PACS1: variants seen among roughly 807,000 people sequenced by gnomAD.
PACS1 encodes PACS-1.
A neutral mutation model predicts 115.0 loss-of-function variants in PACS1; 24 were observed. The ratio of observed to expected loss-of-function variants is 0.21; its 90% CI spans 0.15 to 0.29. The LOEUF (loss-of-function observed/expected upper bound fraction) is 0.29. PACS1 is among the 10% of genes least tolerant of loss of function. The pLI is 1.00. For missense variants in PACS1, 838 were observed against 1,251.2 expected (o/e 0.67, Z 4.98); for synonymous variants, 453 against 504.5 (o/e 0.90, Z 1.37).
At chr11:66,137,976 C>T (rs1260464158) in intron 1 of PACS1, among the ~76,000 whole-genome samples, 1 of 152,146 alleles carries the variant, frequency 6.6e-6, no homozygotes, top group African/African-American at 2.4e-5. Flanking sequence ...AGGTGATCCA[C>T]CTGCCTTGGG....
intron 2 of PACS1, among the ~76,000 whole-genome samples, chr11:66,204,516 G>A (rs1231459274): frequency 6.6e-6 from 1 of 152,072 alleles, no homozygotes; most frequent in African/African-American, 2.4e-5. Flanking sequence ...GTCCCATGTA[G>A]CACTATTCAC....
Position 66,188,480 on chromosome 11 carries a change from T to G in PACS1, c.357-5006T>G, listed in dbSNP as rs140094075. 4.3e-3 allele frequency among the ~76,000 whole-genome samples: 652 copies of G among 152,244 alleles called. 9 individuals carry two copies. The highest frequency in any genetic ancestry group is 0.015 in the African/African-American group (615 of 41,536). On this transcript the variant is annotated intron_variant, in intron 1 of 23. Transcript: ENST00000320580. ...ATTTTCCACTGTCCCCAGCCATGAG[T>G]GTAAGTTCTGGTTACCCTACATCTT...
rs188588731 is a variant in PACS1 at position 66,148,202 on chromosome 11, T to C, written c.357-45284T>C. On this transcript the variant is annotated intron_variant, in intron 1 of 23. Transcript: ENST00000320580. Reference sequence around the variant, plus strand: ...CAGAGTCTCACTCTATTGCCCAGGCTAGAGTGCAGTGGTGTGATCACAGCT... The same window carrying C: ...CAGAGTCTCACTCTATTGCCCAGGCCAGAGTGCAGTGGTGTGATCACAGCT... 3.9e-5 allele frequency among the ~76,000 whole-genome samples: 6 copies of C among 152,308 alleles called. No homozygotes were observed. In the East Asian group the frequency reaches 1.2e-3, roughly 29 times the overall value.
At chr11:66,206,576 C>T (rs543515403) in intron 2 of PACS1, among the ~76,000 whole-genome samples, 54 of 152,312 alleles carry the variant, frequency 3.5e-4, no homozygotes, top group African/African-American at 1.2e-3. Flanking sequence ...CAAAGTTTTA[C>T]AGGTATTTAG....
intron 1 of PACS1, among the ~76,000 whole-genome samples, chr11:66,170,266 A>G (rs1320552758): frequency 1.3e-5 from 2 of 150,322 alleles, no homozygotes; most frequent in Non-Finnish European, 2.9e-5. Flanking sequence ...GCTTTCTTTT[A>G]GATTTTTAGG....
At chr11:66,220,438 G>A (rs1855316131) in intron 8 of PACS1, 193 bp from the exon 9 acceptor site, 3 of 586,982 alleles carry the variant, frequency 5.1e-6, no homozygotes, top group Non-Finnish European at 3.0e-6. Context: ...GAACTGGGGG[G>A]AAGGTGGCCT....
At chr11:66,115,208 CAAAAA>C (rs71455703) in intron 1 of PACS1, among the ~76,000 whole-genome samples, 1 of 80,374 alleles carries the variant, frequency 1.2e-5, no homozygotes, top group Non-Finnish European at 2.6e-5. Flanking sequence ...GACCCTATCT[CAAAAA>C]AAAAAAAAAA....
intron 2 of PACS1, among the ~76,000 whole-genome samples, chr11:66,205,811 C>A (rs1854922130): frequency 6.6e-6 from 1 of 151,902 alleles, no homozygotes; most frequent in Non-Finnish European, 1.5e-5. Flanking sequence ...TGTTAAATAT[C>A]TATATGATAA....
At chr11:66,156,204 TTATATATATATATATATATA>T (rs61270162) in intron 1 of PACS1, among the ~76,000 whole-genome samples, 9,129 of 84,994 alleles carry the variant, frequency 0.11, 1,246 homozygotes, top group East Asian at 0.47. Context: ...ATTTTTTAAA[TTATATATATATATATATATA>T]TATATATATA....
Position 66,216,211 on chromosome 11 carries a change from C to T in PACS1, c.753C>T (p.Tyr251=). The change falls in exon 5 of 24, where the codon TAC becomes TAT. Residue 251 remains tyrosine, a synonymous_variant. Coordinates refer to ENST00000320580, the MANE Select transcript of PACS1 (RefSeq NM_018026.4). ...VSVPVAEIKI[Y]SLSSQPIDHE... ...TGCCTGTGGCAGAAATAAAGATCTA[C>T]TCCCTGTCCAGCCAACCCATTGACC... is the stretch of plus-strand genomic sequence containing the variant. The T allele has an allele frequency of 6.2e-7, 1 of 1,614,102 alleles. No homozygotes were observed. Among genetic ancestry groups the T allele is most frequent in the Non-Finnish European group, 8.5e-7 (1 of 1,180,014 alleles).
chr11:66,235,824 A>G lies in PACS1; in HGVS notation c.2208-74A>G. The G allele has an allele frequency of 7.9e-7, 1 of 1,259,476 alleles. No individual in the cohort carries two copies. The highest frequency in any genetic ancestry group is 1.2e-6 in the Non-Finnish European group (1 of 857,310). 78.0% of individuals were successfully genotyped at this position (1,259,476 alleles called of 1,614,324 possible). A position where few individuals can be genotyped will look rare whatever the true frequency, so the allele number is the denominator to read the frequency against. ...GACTCTGCTGCAGCCACAGTGAGAT[A>G]GGAAAGGCCAATTCCCCAGCACTCC... On this transcript the variant is annotated intron_variant, in intron 18 of 23. Coordinates refer to ENST00000320580, the MANE Select transcript of PACS1 (RefSeq NM_018026.4). This position sits in a 1 kb window ranked among gnomAD's most constrained non-coding sequence, Gnocchi z 5.6.
At position 66,070,367 on chromosome 11, in the gene PACS1, G is replaced by A; in HGVS notation, c.-120G>A. On this transcript the variant is annotated 5_prime_UTR_variant, in exon 1 of 24. Coordinates refer to ENST00000320580, the MANE Select transcript of PACS1 (RefSeq NM_018026.4). This position sits in a 1 kb window ranked among gnomAD's most constrained non-coding sequence, Gnocchi z 5.9. The stretch of plus-strand genomic sequence containing the variant: ...CGCGCGTGCGTGCAGCTCGCTGGCT[G>A]CTCGCGCTCGGGCAGGCGGGCTGAG... 4.0e-6 allele frequency: 2 copies of A among 496,498 alleles called. 1 individual carries two copies. Among genetic ancestry groups the A allele is most frequent in the Non-Finnish European group, 5.9e-6 (2 of 341,704 alleles). 30.8% of individuals were successfully genotyped at this position (496,498 alleles called of 1,614,324 possible). A position where few individuals can be genotyped will look rare whatever the true frequency, so the allele number is the denominator to read the frequency against.
At chr11:66,238,267 A>T in intron 19 of PACS1, 1 of 985,240 alleles carries the variant, frequency 1.0e-6, no homozygotes, top group Non-Finnish European at 1.2e-6. Flanking sequence ...AGACTCTCCC[A>T]CCTGGCAGAG....
At chr11:66,183,359 C>A (rs756342539) in intron 1 of PACS1, among the ~76,000 whole-genome samples, 11 of 152,182 alleles carry the variant, frequency 7.2e-5, no homozygotes, top group Non-Finnish European at 1.5e-4. Context: ...TTTACTCTCA[C>A]AAAGGAAAAC....
At chr11:66,088,802 A>G (rs538274765) in intron 1 of PACS1, among the ~76,000 whole-genome samples, 2 of 152,324 alleles carry the variant, frequency 1.3e-5, no homozygotes, top group East Asian at 3.8e-4. Flanking sequence ...GAGAAATTTT[A>G]TTCAGGATTG....
rs1351042246 is a variant in PACS1, at chr11:66,233,716, C to T, written c.1839-69C>T. On this transcript the variant is annotated intron_variant, in intron 15 of 23. Transcript: ENST00000320580. The surrounding 1 kb of genome is among the most constrained non-coding windows in gnomAD (Gnocchi z 4.5). ...GGTTGTTGAGATCACAGAAAGTCAGCTCTGGGCCTCCCCCGGGCAGGATCC... is the reference window on the plus strand; with the variant it reads ...GGTTGTTGAGATCACAGAAAGTCAGTTCTGGGCCTCCCCCGGGCAGGATCC... The T allele has an allele frequency of 1.6e-5, 24 of 1,485,362 alleles. No homozygotes were observed. Among genetic ancestry groups the T allele is most frequent in the South Asian group, 2.6e-5 (2 of 76,354 alleles). The allele number at this position is 1,485,362 out of a possible 1,614,324, so 92.0% of individuals were successfully genotyped here. A position where few individuals can be genotyped will look rare whatever the true frequency, so the allele number is the denominator to read the frequency against.
intron 1 of PACS1, among the ~76,000 whole-genome samples, chr11:66,123,406 A>G (rs532265): frequency 0.99 from 150,164 of 152,238 alleles, 74,084 homozygotes; most frequent in Middle Eastern, 1. Flanking sequence ...TGGCCAGGCT[A>G]GTCTTGAACT....
intron 10 of PACS1, 114 bp downstream of exon 10, chr11:66,221,361 C>T: frequency 1.1e-6 from 1 of 915,620 alleles, no homozygotes; most frequent in Non-Finnish European, 1.7e-6. Context: ...AAAAGTGGCC[C>T]CATTGGCTGG....
chr11:66,129,935 T>C (rs1394213486), intron 1 of PACS1, among the ~76,000 whole-genome samples: 1 of 152,214 alleles, frequency 6.6e-6, no homozygotes, highest in Admixed American at 6.5e-5. Flanking sequence ...TTCAATTGGC[T>C]ACATTATAAT....
Sources: allele counts gnomAD v4.1 joint callset (sites outside exome capture counted in the v4.1 genomes callset), GRCh38; gene constraint gnomAD v4.1.1; non-coding constraint Gnocchi (gnomAD v3.1); transcripts MANE v1.5; gene names NCBI Gene and HGNC (gene_info 2026-07-23, HGNC 2026-07-21).